The following PBX3 variants were observed in gnomAD, a reference collection of about 807,000 sequenced individuals.
The protein encoded by PBX3 is pre-B-cell leukemia transcription factor 3.
Under a neutral mutation model 48.5 loss-of-function variants are expected in PBX3, and 14 were observed. The ratio of observed to expected loss-of-function variants is 0.29; its 90% CI spans 0.19 to 0.45. The LOEUF is 0.45. Ranked by LOEUF, PBX3 falls within the 20% of genes least tolerant of loss-of-function variation. PBX3 has a pLI of 1.00. For missense variants in PBX3, 386 were observed against 546.7 expected, an observed-to-expected ratio of 0.71 and a Z score of 2.93; for synonymous variants, 210 against 200.3, an observed-to-expected ratio of 1.05 and a Z score of -0.41.
At chr9:125,941,345 A>G (rs1023204653) in intron 5 of PBX3, among the ~76,000 whole-genome samples, 3 of 152,234 alleles carry the variant, frequency 2.0e-5, no homozygotes, top group East Asian at 1.9e-4. Flanking sequence ...CTTCTAGGCC[A>G]TGGTGATGAC....
intron 4 of PBX3, among the ~76,000 whole-genome samples, chr9:125,934,998 C>A (rs16928504): frequency 0.07 from 10,703 of 152,184 alleles, 868 homozygotes; most frequent in African/African-American, 0.18. Flanking sequence ...AAATCCAAAA[C>A]TTCTTGTAGC....
intron 2 of PBX3, 80 bp downstream of exon 2, chr9:125,748,703 A>G: frequency 9.6e-7 from 1 of 1,046,092 alleles, no homozygotes; most frequent in Non-Finnish European, 1.4e-6. Context: ...TCCAGTTGAG[A>G]GCTGCTGCTT....
chr9:125,858,694 C>T (rs1444861810), intron 2 of PBX3, among the ~76,000 whole-genome samples: 4 of 146,808 alleles, frequency 2.7e-5, no homozygotes, highest in Non-Finnish European at 5.9e-5. Context: ...GGCACGATCT[C>T]GGCTCACTGC....
chr9:125,852,014 G>T (rs968666993), intron 2 of PBX3, among the ~76,000 whole-genome samples: 1 of 151,828 alleles, frequency 6.6e-6, no homozygotes, highest in Non-Finnish European at 1.5e-5. Context: ...GTGGTATTCA[G>T]TTTGGAGAAG....
intron 2 of PBX3, among the ~76,000 whole-genome samples, chr9:125,792,509 G>A (rs934767161): frequency 6.6e-6 from 1 of 152,016 alleles, no homozygotes; most frequent in Non-Finnish European, 1.5e-5. Context: ...ATTGGAAACT[G>A]GCTAGTTTGG....
At chr9:125,763,826 C>T (rs1488765309) in intron 2 of PBX3, among the ~76,000 whole-genome samples, 1 of 152,154 alleles carries the variant, frequency 6.6e-6, no homozygotes, top group Non-Finnish European at 1.5e-5. Context: ...AGAGGTCACA[C>T]AGAGTACATT....
At chr9:125,764,915 C>T (rs1054087092) in intron 2 of PBX3, among the ~76,000 whole-genome samples, 1 of 152,110 alleles carries the variant, frequency 6.6e-6, no homozygotes, top group African/African-American at 2.4e-5. Flanking sequence ...GTTACCTCTG[C>T]CTAGTTTTGT....
chr9:125,920,273 C>T (rs1841429636), intron 3 of PBX3, among the ~76,000 whole-genome samples: 2 of 152,158 alleles, frequency 1.3e-5, no homozygotes, highest in African/African-American at 2.4e-5. Context: ...TGTTGATTAG[C>T]TACAACTTTT....
intron 6 of PBX3, among the ~76,000 whole-genome samples, 188 bp from the exon 7 acceptor site, chr9:125,961,914 C>T (rs1842438192): frequency 6.6e-6 from 1 of 152,168 alleles, no homozygotes; most frequent in Non-Finnish European, 1.5e-5. Flanking sequence ...TGGGACTTCT[C>T]CTAGATGTGG....
intron 2 of PBX3, among the ~76,000 whole-genome samples, chr9:125,807,673 CTAGAT>C (rs1265955280): frequency 2.0e-5 from 3 of 151,990 alleles, no homozygotes; most frequent in African/African-American, 7.2e-5. Flanking sequence ...AATAGATACT[CTAGAT>C]TATTATTGTT....
chr9:125,967,088 C>CAAA lies in PBX3; in HGVS notation c.*1179_*1181dup. 1 of 116,420 alleles carries CAAA rather than the reference C, an allele frequency of 8.6e-6. No individual in the cohort carries two copies. 7.2% of individuals were successfully genotyped at this position (116,420 alleles called of 1,614,324 possible). On this transcript the variant is annotated 3_prime_UTR_variant, in exon 9 of 9. Coordinates refer to ENST00000373489, the MANE Select transcript of PBX3 (RefSeq NM_006195.6). ...TTCTTCATCTTATTACTAATCCATG[C>CAAA]AAAAAAAAAAAAAAAAGCAGCGACT...
intron 1 of PBX3, 75 bp downstream of exon 1, chr9:125,747,728 G>A (rs1373616192): frequency 8.5e-7 from 1 of 1,174,050 alleles, no homozygotes; most frequent in South Asian, 1.7e-5. Context: ...GGCCCGGGGT[G>A]GCGCCCGGGG....
chr9:125,909,537 A>T (rs964453657), intron 2 of PBX3, among the ~76,000 whole-genome samples: 2 of 152,158 alleles, frequency 1.3e-5, no homozygotes, highest in Non-Finnish European at 2.9e-5. Flanking sequence ...AAAGTATTCT[A>T]CTATTTCTGG....
intron 2 of PBX3, among the ~76,000 whole-genome samples, chr9:125,835,970 T>G (rs1839122013): frequency 6.6e-6 from 1 of 152,194 alleles, no homozygotes; most frequent in African/African-American, 2.4e-5. Flanking sequence ...GATGAATGGA[T>G]AAAGAAAATG....
intron 2 of PBX3, among the ~76,000 whole-genome samples, chr9:125,823,642 AAAAG>A (rs968404798): frequency 3.4e-4 from 51 of 152,148 alleles, no homozygotes; most frequent in African/African-American, 1.1e-3. Flanking sequence ...CTTTTTTAAA[AAAAG>A]AAAGAAAGAA....
chr9:125,780,716 AC>A (rs1837257974), intron 2 of PBX3, among the ~76,000 whole-genome samples: 1 of 61,358 alleles, frequency 1.6e-5, no homozygotes, highest in African/African-American at 8.3e-5. Flanking sequence ...TCCCTCCCGG[AC>A]GGGGGGCTGA....
At chr9:125,900,592 C>T (rs1840921043) in intron 2 of PBX3, among the ~76,000 whole-genome samples, 1 of 151,716 alleles carries the variant, frequency 6.6e-6, no homozygotes, top group Non-Finnish European at 1.5e-5. Context: ...ACGTTCAGCT[C>T]ATTCACAGTG....
At chr9:125,775,605 G>A (rs1391225686) in intron 2 of PBX3, among the ~76,000 whole-genome samples, 4 of 152,124 alleles carry the variant, frequency 2.6e-5, no homozygotes, top group Non-Finnish European at 5.9e-5. Flanking sequence ...TGATCCATAT[G>A]TCTATCCTTA....
At chr9:125,820,231 G>A (rs1032049376) in intron 2 of PBX3, among the ~76,000 whole-genome samples, 14 of 152,082 alleles carry the variant, frequency 9.2e-5, no homozygotes, top group African/African-American at 2.7e-4. Flanking sequence ...GGATATTTAA[G>A]GTCTCTGGTT....
Sources: allele counts gnomAD v4.1 joint callset (sites outside exome capture counted in the v4.1 genomes callset), GRCh38; gene constraint gnomAD v4.1.1; transcripts MANE v1.5; gene names NCBI Gene and HGNC (gene_info 2026-07-23, HGNC 2026-07-21).